RYK: variants seen among roughly 807,000 people sequenced by gnomAD.
RYK encodes receptor like tyrosine kinase, also known as inactive tyrosine-protein kinase RYK.
A neutral mutation model predicts 70.2 loss-of-function variants in RYK; 21 were observed. The ratio of observed to expected loss-of-function variants is 0.30; its 90% CI spans 0.21 to 0.43. The LOEUF is 0.43. Among genes scored for constraint, RYK ranks in the 20% least tolerant of loss-of-function variants. The pLI is 1.00. For synonymous variants in RYK, 267 were observed against 278.0 expected (o/e 0.96, Z 0.39); for missense variants, 604 against 753.3 (o/e 0.80, Z 2.32).
At chr3:134,208,986 T>G (rs1411945017) in intron 4 of RYK, among the ~76,000 whole-genome samples, 1 of 152,120 alleles carries the variant, frequency 6.6e-6, no homozygotes, top group Non-Finnish European at 1.5e-5. Context: ...TTTGGGTCAC[T>G]GTAGCTTTGT....
intron 5 of RYK, among the ~76,000 whole-genome samples, chr3:134,206,438 T>C (rs978719354): frequency 6.8e-6 from 1 of 147,908 alleles, no homozygotes; most frequent in African/African-American, 2.5e-5. Flanking sequence ...ATAAAAGGGT[T>C]GGTGGTTTCT....
At chr3:134,212,883 T>C (rs2014442292) in intron 2 of RYK, among the ~76,000 whole-genome samples, 1 of 152,186 alleles carries the variant, frequency 6.6e-6, no homozygotes, top group Non-Finnish European at 1.5e-5. Context: ...GTGTCTTAGC[T>C]AAACACTGTA....
chr3:134,224,320 T>C (rs1267743865), intron 1 of RYK, among the ~76,000 whole-genome samples: 2 of 152,102 alleles, frequency 1.3e-5, no homozygotes, highest in African/African-American at 4.8e-5. Flanking sequence ...CCCTTCCCTA[T>C]TTGGTAGCTG....
intron 5 of RYK, 29 bp from the exon 6 acceptor site, chr3:134,202,903 C>G (rs1320315456): frequency 4.4e-6 from 7 of 1,600,238 alleles, no homozygotes; most frequent in Non-Finnish European, 6.0e-6. Flanking sequence ...GCACATTTAG[C>G]TTTTTAAACA....
intron 11 of RYK, among the ~76,000 whole-genome samples, chr3:134,177,549 G>A (rs1322966037): frequency 6.6e-6 from 1 of 152,094 alleles, no homozygotes; most frequent in Admixed American, 6.5e-5. Flanking sequence ...CCACAATCTA[G>A]ACCTCCAGTC....
chr3:134,196,038 C>T (rs2013800681), intron 6 of RYK, among the ~76,000 whole-genome samples: 2 of 152,086 alleles, frequency 1.3e-5, no homozygotes, highest in Admixed American at 1.3e-4. Flanking sequence ...TTTCATCCAA[C>T]TTCTGGGAAA....
chr3:134,191,966 T>C lies in RYK; in HGVS notation c.898A>G (p.Thr300Ala), dbSNP rs375652759. Residue 300 changes from threonine to alanine, a missense_variant, in exon 8 of 15, where the codon ACC becomes GCC. Physicochemically the swap from Thr to Ala is moderately conservative, Grantham distance 58 (BLOSUM62 0). Transcript: ENST00000623711. ...NNATPITSYP[T>A]LRIEKNDLRS... Reference sequence around the variant, plus strand: ...AAGTCGTTCTTCTCTATCCGCAAGGTAGGATAACCTAAGGAGCCAACAAAG... The same window carrying C: ...AAGTCGTTCTTCTCTATCCGCAAGGCAGGATAACCTAAGGAGCCAACAAAG... The C allele has an allele frequency of 3.7e-6, 6 of 1,612,832 alleles. No homozygotes were observed. The highest frequency in any genetic ancestry group is 1.7e-5 in the Admixed American group (1 of 59,848).
chr3:134,170,635 C>T (rs1335353759), intron 13 of RYK: 1 of 153,970 alleles, frequency 6.5e-6, no homozygotes, highest in Non-Finnish European at 1.4e-5. Flanking sequence ...AAGTGGAAGA[C>T]AATGTCTGGG....
At chr3:134,166,004 T>A (rs2012652487) in intron 13 of RYK, among the ~76,000 whole-genome samples, 1 of 152,226 alleles carries the variant, frequency 6.6e-6, no homozygotes, top group African/African-American at 2.4e-5. Context: ...TAAAACAACT[T>A]AAGACTTTTA....
chr3:134,170,150 A>ATG (rs1458230108), intron 13 of RYK, among the ~76,000 whole-genome samples: 1 of 152,188 alleles, frequency 6.6e-6, no homozygotes, highest in Non-Finnish European at 1.5e-5. Context: ...ATACATACAT[A>ATG]TGTGTGTGTG....
At chr3:134,186,116 A>G (rs548964930) in intron 9 of RYK, among the ~76,000 whole-genome samples, 3 of 152,358 alleles carry the variant, frequency 2.0e-5, no homozygotes, top group East Asian at 1.9e-4. Flanking sequence ...TTACAAAACT[A>G]TAAAAATTTA....
rs541041623 is a variant in RYK at position 134,167,898 on chromosome 3, A to C, written c.1575+7711T>G. Among the ~76,000 whole-genome samples, 3 of 152,362 alleles carry C rather than the reference A, an allele frequency of 2.0e-5. No individual in the cohort carries two copies. The South Asian group carries it at 6.2e-4, about 32-fold the overall frequency. ...CATCTGACAAAGGGCTAATATCCAG[A>C]ATCTACAAAGAACTCAAACAAATTT... On this transcript the variant is annotated intron_variant, in intron 13 of 14. Transcript: ENST00000623711.
intron 1 of RYK, among the ~76,000 whole-genome samples, chr3:134,237,151 G>C (rs2015217483): frequency 6.6e-6 from 1 of 152,040 alleles, no homozygotes; most frequent in Non-Finnish European, 1.5e-5. Context: ...TTTATTTCAA[G>C]GTCTGTGATC....
At chr3:134,249,906 CTT>C (rs1232323152) in intron 1 of RYK, among the ~76,000 whole-genome samples, 5 of 130,050 alleles carry the variant, frequency 3.8e-5, no homozygotes, top group African/African-American at 1.4e-4. Context: ...ACCTCCCCTT[CTT>C]TCTCTCTCGT....
chr3:134,186,345 G>C (rs2013460274), intron 9 of RYK, among the ~76,000 whole-genome samples: 1 of 152,200 alleles, frequency 6.6e-6, no homozygotes, highest in South Asian at 2.1e-4. Context: ...AAAGGCAAAG[G>C]TCAGTGCTTT....
At chr3:134,177,670 T>C (rs1279661881) in intron 11 of RYK, among the ~76,000 whole-genome samples, 2 of 152,106 alleles carry the variant, frequency 1.3e-5, no homozygotes, top group African/African-American at 2.4e-5. Context: ...ACACCTAAGA[T>C]GGCATTACAA....
intron 2 of RYK, among the ~76,000 whole-genome samples, chr3:134,220,329 CAT>C (rs2014697199): frequency 1.3e-5 from 2 of 152,028 alleles, no homozygotes; most frequent in African/African-American, 4.8e-5. Context: ...TAGATAATAA[CAT>C]AATAATGTCA....
intron 1 of RYK, among the ~76,000 whole-genome samples, chr3:134,247,788 A>C (rs1231557600): frequency 6.6e-6 from 1 of 152,170 alleles, no homozygotes; most frequent in East Asian, 1.9e-4. Context: ...TATCAAGGGT[A>C]ATTAGTTCAA....
At chr3:134,242,933 TA>T (rs2015364876) in intron 1 of RYK, among the ~76,000 whole-genome samples, 1 of 152,150 alleles carries the variant, frequency 6.6e-6, no homozygotes, top group African/African-American at 2.4e-5. Flanking sequence ...TGGATTCAAA[TA>T]AATACCAACT....
Sources: allele counts gnomAD v4.1 joint callset (sites outside exome capture counted in the v4.1 genomes callset), GRCh38; gene constraint gnomAD v4.1.1; transcripts MANE v1.5; gene names NCBI Gene and HGNC (gene_info 2026-07-23, HGNC 2026-07-21).